The following LINGO1 variants were observed in gnomAD, a reference collection of about 807,000 sequenced individuals.
LINGO1 encodes the protein leucine rich repeat and Ig domain containing 1.
In LINGO1, 11 loss-of-function variants were observed where a neutral mutation model predicts 37.3. The observed-to-expected ratio is 0.29, with a 90% CI of 0.19 to 0.49. LINGO1 has a LOEUF of 0.49. Among genes scored for constraint, LINGO1 ranks in the 20% least tolerant of loss-of-function variants. The pLI is 0.99. For missense variants in LINGO1, 585 were observed against 878.2 expected, an observed-to-expected ratio of 0.67 and a Z score of 4.22; for synonymous variants, 387 against 403.0, an observed-to-expected ratio of 0.96 and a Z score of 0.48.
intron 1 of LINGO1, among the ~76,000 whole-genome samples, chr15:77,743,288 C>T (rs2076283056): frequency 6.6e-6 from 1 of 152,130 alleles, no homozygotes; most frequent in African/African-American, 2.4e-5. Flanking sequence ...GCACAAGCAC[C>T]CAGCGTTCTC....
chr15:77,752,779 G>A (rs550763031), intron 1 of LINGO1, among the ~76,000 whole-genome samples: 10 of 152,084 alleles, frequency 6.6e-5, no homozygotes, highest in Non-Finnish European at 1.5e-4. Flanking sequence ...CAGGACAGAG[G>A]CCAGCCCCTC....
At chr15:77,674,173 C>A (rs773520880) in intron 3 of LINGO1, among the ~76,000 whole-genome samples, 14 of 152,124 alleles carry the variant, frequency 9.2e-5, no homozygotes, top group Non-Finnish European at 1.9e-4. Flanking sequence ...GCTCCCTTCT[C>A]TCTCTCTCAC....
upstream of LINGO1, among the ~76,000 whole-genome samples, chr15:77,633,766 C>T (rs915377651): frequency 2.6e-5 from 4 of 152,166 alleles, no homozygotes; most frequent in Admixed American, 2.0e-4. Flanking sequence ...TCAGACGGGC[C>T]CAAGGAATGG....
At chr15:77,820,896 G>C (rs749225905), upstream of LINGO1, 6 of 152,414 alleles carry the variant, frequency 3.9e-5, no homozygotes, top group Non-Finnish European at 8.8e-5. Flanking sequence ...ACCAGGGAAC[G>C]AGGTAAAGTT....
chr15:77,737,280 T>C (rs569155009), intron 1 of LINGO1, among the ~76,000 whole-genome samples: 1 of 152,304 alleles, frequency 6.6e-6, no homozygotes, highest in East Asian at 1.9e-4. Context: ...GTGCATCAGA[T>C]CCAGTAACAT....
chr15:77,623,816 G>C (rs1010587035), intron 1 of LINGO1, among the ~76,000 whole-genome samples: 1 of 152,000 alleles, frequency 6.6e-6, no homozygotes, highest in African/African-American at 2.4e-5. Context: ...AAAGTTGTTG[G>C]GCCCCCGGGG....
chr15:77,810,106 A>G lies in LINGO1; in HGVS notation c.-458+10152T>C, dbSNP rs550404399. The stretch of plus-strand genomic sequence containing the variant: ...CTCCTCCTTGCTGTGGGGGCTCACT[A>G]TGGACAGGAGACCAGTCTCAGTCCC... On this transcript the variant is annotated intron_variant, in intron 1 of 5. Transcript: ENST00000562933. 2.6e-5 allele frequency among the ~76,000 whole-genome samples: 4 copies of G among 151,994 alleles called. No homozygotes were observed. In the South Asian group the frequency reaches 8.3e-4, roughly 32 times the overall value.
intron 1 of LINGO1, among the ~76,000 whole-genome samples, chr15:77,693,641 T>C (rs1158751882): frequency 6.6e-6 from 1 of 152,146 alleles, no homozygotes; most frequent in Non-Finnish European, 1.5e-5. Context: ...GAGATTGAAC[T>C]CAAGGGGATC....
At chr15:77,682,347 T>C (rs946426624) in intron 2 of LINGO1, among the ~76,000 whole-genome samples, 3 of 148,922 alleles carry the variant, frequency 2.0e-5, no homozygotes, top group Non-Finnish European at 3.0e-5. Context: ...TGGTAGAGAA[T>C]AGGCACTTCA....
At chr15:77,740,957 C>T (rs895501797) in intron 1 of LINGO1, among the ~76,000 whole-genome samples, 3 of 152,314 alleles carry the variant, frequency 2.0e-5, no homozygotes, top group Admixed American at 1.3e-4. Context: ...CAGTCATTGT[C>T]CACACATGTC....
chr15:77,807,180 C>G (rs1372663482), intron 1 of LINGO1, among the ~76,000 whole-genome samples: 8 of 152,210 alleles, frequency 5.3e-5, no homozygotes, highest in Admixed American at 5.2e-4. Context: ...CAGCCTTCCC[C>G]GAGTACCCCG....
chr15:77,754,199 G>A (rs1031864300), intron 1 of LINGO1, among the ~76,000 whole-genome samples: 8 of 149,530 alleles, frequency 5.4e-5, no homozygotes, highest in African/African-American at 2.0e-4. Context: ...GCAAGAGGAT[G>A]GAAAAGAGGG....
intron 1 of LINGO1, among the ~76,000 whole-genome samples, chr15:77,809,183 G>A (rs930124307): frequency 6.6e-6 from 1 of 152,212 alleles, no homozygotes; most frequent in Non-Finnish European, 1.5e-5. Flanking sequence ...AGCCTCCCAG[G>A]GGGATGAGGA....
chr15:77,768,384 A>G (rs1438785730), intron 1 of LINGO1, among the ~76,000 whole-genome samples: 1 of 152,194 alleles, frequency 6.6e-6, no homozygotes, highest in Non-Finnish European at 1.5e-5. Flanking sequence ...TTTTTCATGT[A>G]ACAAATATTT....
chr15:77,777,462 C>T (rs79013963), intron 1 of LINGO1, among the ~76,000 whole-genome samples: 68,907 of 126,030 alleles, frequency 0.55, 16,789 homozygotes, highest in South Asian at 0.62. Flanking sequence ...CATATACACA[C>T]ACGCACACAC....
At chr15:77,721,485 CTGCCCCT>C (rs2141313819) in intron 2 of LINGO1, among the ~76,000 whole-genome samples, 1 of 152,350 alleles carries the variant, frequency 6.6e-6, no homozygotes, top group Non-Finnish European at 1.5e-5. Context: ...CACCCCACAT[CTGCCCCT>C]TGGTGGTAGA....
At chr15:77,706,139 C>T (rs1156587287) in intron 2 of LINGO1, among the ~76,000 whole-genome samples, 1 of 152,188 alleles carries the variant, frequency 6.6e-6, no homozygotes, top group Non-Finnish European at 1.5e-5. Context: ...GTCCCATAAA[C>T]ACCTCATCGT....
At chr15:77,721,046 CCCT>C (rs968523184) in intron 2 of LINGO1, among the ~76,000 whole-genome samples, 2 of 152,062 alleles carry the variant, frequency 1.3e-5, no homozygotes, top group African/African-American at 4.8e-5. Context: ...GAGCCACCGC[CCCT>C]CCTGCCTCAA....
At chr15:77,639,888 C>T (rs1469465998) in intron 3 of LINGO1, among the ~76,000 whole-genome samples, 1 of 152,170 alleles carries the variant, frequency 6.6e-6, no homozygotes, top group Non-Finnish European at 1.5e-5. Flanking sequence ...AGAGTCAGGC[C>T]TATCCTGATC....
Sources: allele counts gnomAD v4.1 joint callset (sites outside exome capture counted in the v4.1 genomes callset), GRCh38; gene constraint gnomAD v4.1.1; transcripts MANE v1.5; gene names NCBI Gene and HGNC (gene_info 2026-07-23, HGNC 2026-07-21).